TRIP13: variants seen among roughly 807,000 people sequenced by gnomAD.
The protein encoded by TRIP13 is pachytene checkpoint protein 2 homolog.
Under a neutral mutation model 54.4 loss-of-function variants are expected in TRIP13, and 25 were observed. The observed-to-expected ratio is 0.46, with a 90% CI of 0.33 to 0.64. The LOEUF (loss-of-function observed/expected upper bound fraction) is 0.64, where lower values mean the gene tolerates loss of function less well. TRIP13 is among the 30% of genes least tolerant of loss of function. The pLI is 0.02. For missense variants in TRIP13, 373 were observed against 534.2 expected, an observed-to-expected ratio of 0.70 and a Z score of 2.97; for synonymous variants, 207 against 207.8, an observed-to-expected ratio of 1.00 and a Z score of 0.03.
rs561617876 is a variant in TRIP13, at chr5:903,897, G to A, written c.536-251G>A. Among the ~76,000 whole-genome samples, 29 of 152,282 alleles carry A rather than the reference G, an allele frequency of 1.9e-4. 1 individual carries two copies. In the South Asian group the frequency reaches 5.6e-3, roughly 29 times the overall value. On this transcript the variant is annotated intron_variant, in intron 5 of 12. Transcript: ENST00000166345. ...AGGCCGAGAAGCTGGGAGCAGTGCT[G>A]GGGGTGGGGAGGCGATGGAGGCTGA... is the stretch of plus-strand genomic sequence containing the variant.
In TRIP13 at chr5:912,306, C is replaced by T. The variant is rs1432710403; in HGVS notation, c.1020+310C>T. Reference sequence around the variant, plus strand: ...CTGGCTGGCTGCACAAACCTTAGTTCTCAGCTTACCCCGGGCTTTTCCAAT... The same window carrying T: ...CTGGCTGGCTGCACAAACCTTAGTTTTCAGCTTACCCCGGGCTTTTCCAAT... On this transcript the variant is annotated intron_variant, in intron 10 of 12. Transcript: ENST00000166345. This position sits in a 1 kb window ranked among gnomAD's most constrained non-coding sequence, Gnocchi z 7.2. Among the ~76,000 whole-genome samples the T allele has an allele frequency of 6.6e-6, 1 of 151,708 alleles. No individual in the cohort carries two copies. The highest frequency in any genetic ancestry group is 2.4e-5 in the African/African-American group (1 of 41,266).
chr5:909,167 A>G (rs1329314322), intron 9 of TRIP13, among the ~76,000 whole-genome samples: 1 of 152,098 alleles, frequency 6.6e-6, no homozygotes, highest in Non-Finnish European at 1.5e-5. Flanking sequence ...TCGTGTGCAG[A>G]TGGTCCACGT....
chr5:904,344 A>G, intron 6 of TRIP13, 124 bp downstream of exon 6: 1 of 728,056 alleles, frequency 1.4e-6, no homozygotes, highest in Non-Finnish European at 2.2e-6. Flanking sequence ...AAGTCACTTG[A>G]TTCCTCTGTA....
Position 908,677 on chromosome 5 carries a change from G to A in TRIP13, c.866+216G>A. 2 of 1,342,712 alleles carry A rather than the reference G, an allele frequency of 1.5e-6. No individual in the cohort carries two copies. Among genetic ancestry groups the A allele is most frequent in the Non-Finnish European group, 1.9e-6 (2 of 1,039,154 alleles). The allele number at this position is 1,342,712 out of a possible 1,614,324, so 83.2% of individuals were successfully genotyped here. A position where few individuals can be genotyped will look rare whatever the true frequency, so the allele number is the denominator to read the frequency against. Reference sequence around the variant, plus strand: ...TTAGTGTGTTAAAAATGTAATAGAAGGCCAGGCGCGGTGGCTCACACCTGT... The same window carrying A: ...TTAGTGTGTTAAAAATGTAATAGAAAGCCAGGCGCGGTGGCTCACACCTGT... On this transcript the variant is annotated intron_variant, in intron 9 of 12. Coordinates refer to ENST00000166345, the MANE Select transcript of TRIP13 (RefSeq NM_004237.4). This position sits in a 1 kb window ranked among gnomAD's most constrained non-coding sequence, Gnocchi z 5.2.
chr5:917,443 A>G lies in TRIP13; in HGVS notation c.*340A>G. 4.7e-6 allele frequency: 1 copy of G among 213,008 alleles called. No homozygotes were observed. The highest frequency in any genetic ancestry group is 1.6e-3 in the Middle Eastern group (1 of 616). The allele number at this position is 213,008 out of a possible 1,614,324, so 13.2% of individuals were successfully genotyped here. On this transcript the variant is annotated 3_prime_UTR_variant, in exon 13 of 13. Coordinates refer to ENST00000166345, the MANE Select transcript of TRIP13 (RefSeq NM_004237.4). Reference sequence around the variant, plus strand: ...ATGCCAGCAAGTTTTGTTTAACAGCAAAAAAGGAAGATTAATGCAGGTGTT... The same window carrying G: ...ATGCCAGCAAGTTTTGTTTAACAGCGAAAAAGGAAGATTAATGCAGGTGTT...
At position 914,566 on chromosome 5, in the gene TRIP13, T is replaced by C. The variant is rs757638837; in HGVS notation, c.1122T>C (p.Asn374=). 5.6e-6 allele frequency: 9 copies of C among 1,612,578 alleles called. No individual in the cohort carries two copies. Among genetic ancestry groups the C allele is most frequent in the Non-Finnish European group, 7.6e-6 (9 of 1,179,296 alleles). The stretch of plus-strand genomic sequence containing the variant: ...TGTCAAAATTGAGCCTTCTTTTGAA[T>C]GACATTTCAAGGTGCAAATTGACCT... ...NNVSKLSLLL[N]DISRKSEGLS... is the part of the protein sequence containing the mutation. The change falls in exon 11 of 13, where the codon AAT becomes AAC. Residue 374 remains asparagine (N), a synonymous_variant. Coordinates refer to ENST00000166345, the MANE Select transcript of TRIP13 (RefSeq NM_004237.4).
intron 9 of TRIP13, among the ~76,000 whole-genome samples, chr5:909,239 T>C (rs142974444): frequency 1.3e-5 from 2 of 152,244 alleles, no homozygotes; most frequent in East Asian, 3.9e-4. Flanking sequence ...TTTATCAAGC[T>C]TAAGGAGCGA....
rs560454875 is a variant in TRIP13, at chr5:913,385, C to G, written c.1021-1080C>G. ...TTGTTTGTTTATTTTGAGACACAGT[C>G]TCACTCTTACCTAGAGCTGGAGTAC... On this transcript the variant is annotated intron_variant, in intron 10 of 12. Transcript: ENST00000166345. This position sits in a 1 kb window ranked among gnomAD's most constrained non-coding sequence, Gnocchi z 4.5. Among the ~76,000 whole-genome samples the G allele has an allele frequency of 6.6e-6, 1 of 152,292 alleles. No individual in the cohort carries two copies. The highest frequency in any genetic ancestry group is 2.4e-5 in the African/African-American group (1 of 41,570).
Position 915,848 on chromosome 5 carries a change from C to T in TRIP13, c.1134-56C>T. The T allele has an allele frequency of 1.9e-6, 3 of 1,592,566 alleles. No homozygotes were observed. Among genetic ancestry groups the T allele is most frequent in the Non-Finnish European group, 2.6e-6 (3 of 1,160,464 alleles). ...GCCTCGGCCAATGAGGAAAATTAGT[C>T]CTGAAACGTGTGATTGTATAAATTG... On this transcript the variant is annotated intron_variant, in intron 11 of 12. Coordinates refer to ENST00000166345, the MANE Select transcript of TRIP13 (RefSeq NM_004237.4). The surrounding 1 kb of genome is among the most constrained non-coding windows in gnomAD (Gnocchi z 4.2).
chr5:918,585 G>C (rs1485765966), downstream of TRIP13, among the ~76,000 whole-genome samples: 2 of 152,088 alleles, frequency 1.3e-5, no homozygotes, highest in Non-Finnish European at 1.5e-5. The surrounding 1 kb of genome is among the most constrained non-coding windows in gnomAD (Gnocchi z 4.3). Flanking sequence ...AGTGTATTAG[G>C]GTTCTCTAGA....
rs758272808 is a variant in TRIP13, at chr5:908,096, A to G, written c.759+22A>G. 6.2e-7 allele frequency: 1 copy of G among 1,613,266 alleles called. No homozygotes were observed. The highest frequency in any genetic ancestry group is 8.5e-7 in the Non-Finnish European group (1 of 1,179,160). The stretch of plus-strand genomic sequence containing the variant: ...TGAGGTAGGCATTTCCAGATAAGGA[A>G]ATTCATGACAGAATCGCCTTTTGCC... On this transcript the variant is annotated intron_variant, in intron 8 of 12. Transcript: ENST00000166345. The surrounding 1 kb of genome is among the most constrained non-coding windows in gnomAD (Gnocchi z 5.2).
intron 1 of TRIP13, 61 bp from the exon 2 acceptor site, chr5:894,726 C>T (rs922742653): frequency 2.6e-6 from 4 of 1,531,534 alleles, no homozygotes; most frequent in Non-Finnish European, 3.5e-6. Context: ...CAAAACACTT[C>T]ATTTTAACAT....
intron 6 of TRIP13, among the ~76,000 whole-genome samples, chr5:906,711 T>C (rs901111402): frequency 2.0e-5 from 3 of 152,192 alleles, no homozygotes; most frequent in African/African-American, 7.2e-5. Flanking sequence ...AGGTTAACTT[T>C]GGGCCACCTG....
rs562956205 is a variant in TRIP13 at position 908,724 on chromosome 5, C to T, written c.866+263C>T. On this transcript the variant is annotated intron_variant, in intron 9 of 12. Coordinates refer to ENST00000166345, the MANE Select transcript of TRIP13 (RefSeq NM_004237.4). The surrounding 1 kb of genome is among the most constrained non-coding windows in gnomAD (Gnocchi z 5.2). Reference sequence around the variant, plus strand: ...CTGTAATCCCAGCACTTTGGGAGGCCGAGGCAGGCGGATCACAAGGTCAGT... The same window carrying T: ...CTGTAATCCCAGCACTTTGGGAGGCTGAGGCAGGCGGATCACAAGGTCAGT... The T allele has an allele frequency of 6.9e-5, 78 of 1,122,330 alleles. No homozygotes were observed. The highest frequency in any genetic ancestry group is 6.4e-4 in the African/African-American group (40 of 62,212). The allele number at this position is 1,122,330 out of a possible 1,614,324, so 69.5% of individuals were successfully genotyped here. A position where few individuals can be genotyped will look rare whatever the true frequency, so the allele number is the denominator to read the frequency against.
intron 5 of TRIP13, 118 bp from the exon 6 acceptor site, chr5:904,030 A>T: frequency 1.2e-6 from 1 of 866,096 alleles, no homozygotes; most frequent in Non-Finnish European, 1.7e-6. Context: ...TGTAGTAATA[A>T]CATTAATAGC....
rs987775325 is a variant in TRIP13 at position 915,124 on chromosome 5, G to A, written c.1133+547G>A. ...TTGAATTTTATTTTGAAGTTGGCAA[G>A]AATGTGGAAGGCTTTAAACAAGGGA... On this transcript the variant is annotated intron_variant, in intron 11 of 12. Transcript: ENST00000166345. The surrounding 1 kb of genome is among the most constrained non-coding windows in gnomAD (Gnocchi z 4.2). Among the ~76,000 whole-genome samples, 6 of 152,324 alleles carry A rather than the reference G, an allele frequency of 3.9e-5. No individual in the cohort carries two copies. In the South Asian group the frequency reaches 6.2e-4, roughly 16 times the overall value.
rs532670926 is a variant in TRIP13 at position 912,914 on chromosome 5, A to C, written c.1020+918A>C. Among the ~76,000 whole-genome samples the C allele has an allele frequency of 1.3e-5, 2 of 152,130 alleles. No individual in the cohort carries two copies. The highest frequency in any genetic ancestry group is 2.9e-5 in the Non-Finnish European group (2 of 68,016). On this transcript the variant is annotated intron_variant, in intron 10 of 12. Coordinates refer to ENST00000166345, the MANE Select transcript of TRIP13 (RefSeq NM_004237.4). The surrounding 1 kb of genome is among the most constrained non-coding windows in gnomAD (Gnocchi z 7.2). ...GTGAATGGGGATTTAAACAGTGATG[A>C]GTTTAATGCAGTTGTTGCCACCTGC...
chr5:908,150 C>A lies in TRIP13; in HGVS notation c.759+76C>A, dbSNP rs1754155687. The stretch of plus-strand genomic sequence containing the variant: ...GTGGGGACACAGCCTACTCCTGATG[C>A]TCCTAGCTTTCCCCTCCTACAGCCG... On this transcript the variant is annotated intron_variant, in intron 8 of 12. Transcript: ENST00000166345. The surrounding 1 kb of genome is among the most constrained non-coding windows in gnomAD (Gnocchi z 5.2). 1 of 1,540,102 alleles carries A rather than the reference C, an allele frequency of 6.5e-7. No homozygotes were observed. The highest frequency in any genetic ancestry group is 1.1e-5 in the South Asian group (1 of 89,346).
chr5:893,539 C>G (rs998919787), intron 1 of TRIP13: 12 of 192,006 alleles, frequency 6.2e-5, no homozygotes, highest in Non-Finnish European at 1.0e-4. Flanking sequence ...TGTTCCCGTT[C>G]CTCACGGACT....
Sources: allele counts gnomAD v4.1 joint callset (sites outside exome capture counted in the v4.1 genomes callset), GRCh38; gene constraint gnomAD v4.1.1; non-coding constraint Gnocchi (gnomAD v3.1); transcripts MANE v1.5; gene names NCBI Gene and HGNC (gene_info 2026-07-23, HGNC 2026-07-21).